SLC45A4: variants seen among roughly 807,000 people sequenced by gnomAD.
The protein encoded by SLC45A4 is solute carrier family 45 member 4, also known as polyamine-transporter SLC45A4.
A neutral mutation model predicts 63.7 loss-of-function variants in SLC45A4; 32 were observed. That is an observed-to-expected ratio of 0.50 (90% CI 0.38 to 0.67). SLC45A4 has a LOEUF of 0.67. Ranked by LOEUF, SLC45A4 falls within the 30% of genes least tolerant of loss-of-function variation. SLC45A4 has a pLI of 0.00. For missense variants in SLC45A4, 1,027 were observed against 1,157.7 expected, an observed-to-expected ratio of 0.89 and a Z score of 1.64; for synonymous variants, 535 against 510.0, an observed-to-expected ratio of 1.05 and a Z score of -0.66.
At chr8:141,246,838 G>C (rs1828229555) in intron 2 of SLC45A4, among the ~76,000 whole-genome samples, 1 of 152,240 alleles carries the variant, frequency 6.6e-6, no homozygotes, top group Non-Finnish European at 1.5e-5. Context: ...GAAGTAGCCA[G>C]TTGTGGTGGT....
chr8:141,262,118 A>G (rs1214721816), intron 1 of SLC45A4, among the ~76,000 whole-genome samples: 2 of 151,866 alleles, frequency 1.3e-5, no homozygotes, highest in Non-Finnish European at 2.9e-5. Context: ...AAATTGGGAA[A>G]GGATTCCCTA....
At chr8:141,217,931 C>T (rs1453293074) in intron 5 of SLC45A4, 80 bp downstream of exon 5, 2 of 1,473,654 alleles carry the variant, frequency 1.4e-6, no homozygotes, top group Non-Finnish European at 1.8e-6. Context: ...GGAAGAGGCC[C>T]CCCGGCCCAG....
Position 141,215,763 on chromosome 8 carries a change from T to C in SLC45A4, c.1937A>G (p.Lys646Arg). Residue 646 changes from lysine (K) to arginine (R), a missense_variant, in exon 7 of 9, where the codon AAG becomes AGG. By Grantham distance (26) the Lys-to-Arg change is conservative (BLOSUM62 2). Coordinates refer to ENST00000517878, the MANE Select transcript of SLC45A4 (RefSeq NM_001286646.2). The surrounding 1 kb of genome is among the most constrained non-coding windows in gnomAD (Gnocchi z 4.3). Reference protein sequence around the residue: ...YALLGQYHDIKQYIHHSPGNS... With the variant: ...YALLGQYHDIRQYIHHSPGNS... ...TCAGGGCTACGGTGGACGCACCTGC[T>C]TGATGTCATGGTACTGGCCCAGCAG... 1.2e-6 allele frequency: 2 copies of C among 1,613,178 alleles called. No homozygotes were observed. The highest frequency in any genetic ancestry group is 2.2e-5 in the South Asian group (2 of 91,074).
intron 1 of SLC45A4, among the ~76,000 whole-genome samples, chr8:141,261,326 C>T (rs556832606): frequency 0.039 from 5,865 of 152,090 alleles, 200 homozygotes; most frequent in African/African-American, 0.089. Context: ...ACAGGGATGC[C>T]CTCTCTCACC....
chr8:141,242,731 A>C (rs1397367740), intron 2 of SLC45A4, among the ~76,000 whole-genome samples: 1 of 152,202 alleles, frequency 6.6e-6, no homozygotes, highest in Non-Finnish European at 1.5e-5. Flanking sequence ...TGCTGGGAAG[A>C]GAGCCGGCAG....
At chr8:141,261,460 A>G (rs1332934657) in intron 1 of SLC45A4, among the ~76,000 whole-genome samples, 4 of 152,106 alleles carry the variant, frequency 2.6e-5, no homozygotes, top group Admixed American at 6.6e-5. Context: ...ACATGATTGT[A>G]TATCTAGAAA....
chr8:141,291,392 A>G (rs1437375089), intron 1 of SLC45A4, among the ~76,000 whole-genome samples: 1 of 152,132 alleles, frequency 6.6e-6, no homozygotes, highest in African/African-American at 2.4e-5. Flanking sequence ...ATCTTCTCAT[A>G]ATTTTTTTTT....
chr8:141,235,114 T>G (rs2154614392), intron 2 of SLC45A4, among the ~76,000 whole-genome samples: 1 of 152,288 alleles, frequency 6.6e-6, no homozygotes, highest in East Asian at 1.9e-4. Flanking sequence ...ACAGGAGCCA[T>G]GGCTTGGCTT....
intron 2 of SLC45A4, among the ~76,000 whole-genome samples, chr8:141,245,716 G>A (rs988362618): frequency 2.6e-5 from 4 of 152,186 alleles, no homozygotes; most frequent in Non-Finnish European, 5.9e-5. Flanking sequence ...ACCAGCCTTA[G>A]GCCCAGGAGT....
intron 7 of SLC45A4, among the ~76,000 whole-genome samples, chr8:141,214,292 G>A (rs528206057): frequency 7.9e-5 from 12 of 152,214 alleles, no homozygotes; most frequent in African/African-American, 2.9e-4. Context: ...TTTAGTATTG[G>A]AGGTTCCAGC....
At position 141,221,482 on chromosome 8, in the gene SLC45A4, A is replaced by G. The variant is rs74969084; in HGVS notation, c.430+95T>C. On this transcript the variant is annotated intron_variant, in intron 3 of 8. Coordinates refer to ENST00000517878, the MANE Select transcript of SLC45A4 (RefSeq NM_001286646.2). ...CCAGGCCCACAGAGGGTCAGCCTGA[A>G]TATTCAACACCATTCAGCTTTTAAT... 1,720 of 1,445,680 alleles carry G rather than the reference A, an allele frequency of 1.2e-3. 18 individuals are homozygous for G. In the African/African-American group the frequency reaches 0.023, roughly 19 times the overall value. The allele number at this position is 1,445,680 out of a possible 1,614,324, so 89.6% of individuals were successfully genotyped here. A position where few individuals can be genotyped will look rare whatever the true frequency, so the allele number is the denominator to read the frequency against.
At position 141,229,989 on chromosome 8, in the gene SLC45A4, C is replaced by T. The variant is rs1827256596; in HGVS notation, c.242-8224G>A. On this transcript the variant is annotated intron_variant, in intron 2 of 8. Transcript: ENST00000517878. The surrounding 1 kb of genome is among the most constrained non-coding windows in gnomAD (Gnocchi z 5.0). ...TCCCGAGGCCGTGGTGCTCTGATGA[C>T]ATCCATGGGCAGTGAGTTCAAAATG... 3 of 450,778 alleles carry T rather than the reference C, an allele frequency of 6.7e-6. No homozygotes were observed. Among genetic ancestry groups the T allele is most frequent in the Non-Finnish European group, 1.3e-5 (3 of 223,748 alleles). 27.9% of individuals were successfully genotyped at this position (450,778 alleles called of 1,614,324 possible). A position where few individuals can be genotyped will look rare whatever the true frequency, so the allele number is the denominator to read the frequency against.
intron 1 of SLC45A4, among the ~76,000 whole-genome samples, chr8:141,284,428 C>T (rs1385382004): frequency 6.6e-6 from 1 of 152,182 alleles, no homozygotes; most frequent in Non-Finnish European, 1.5e-5. Flanking sequence ...CACGGCCATC[C>T]GGGGAAGGAA....
chr8:141,247,926 G>C (rs1200661162), intron 2 of SLC45A4, among the ~76,000 whole-genome samples: 6 of 152,192 alleles, frequency 3.9e-5, no homozygotes, highest in African/African-American at 1.4e-4. Flanking sequence ...AGTGATGCTG[G>C]AACAACTCAA....
At chr8:141,273,302 G>A (rs1329086698) in intron 1 of SLC45A4, among the ~76,000 whole-genome samples, 1 of 152,216 alleles carries the variant, frequency 6.6e-6, no homozygotes, top group Non-Finnish European at 1.5e-5. Context: ...CTGACCTGGT[G>A]TGTGTGCCAG....
At chr8:141,287,423 A>G (rs1476445732) in intron 1 of SLC45A4, among the ~76,000 whole-genome samples, 2 of 152,174 alleles carry the variant, frequency 1.3e-5, no homozygotes, top group Non-Finnish European at 2.9e-5. Flanking sequence ...CAGGGCACGG[A>G]GCGCAGACTG....
chr8:141,229,224 C>T lies in SLC45A4; in HGVS notation c.242-7459G>A, dbSNP rs1589786786. 4.6e-5 allele frequency among the ~76,000 whole-genome samples: 7 copies of T among 152,212 alleles called. No homozygotes were observed. On this transcript the variant is annotated intron_variant, in intron 2 of 8. Coordinates refer to ENST00000517878, the MANE Select transcript of SLC45A4 (RefSeq NM_001286646.2). The surrounding 1 kb of genome is among the most constrained non-coding windows in gnomAD (Gnocchi z 5.0). ...CCTCCCTCATCCTCCGTAACCCACC[C>T]GCCACCTGCAGTCAGAGTGACCACC...
chr8:141,285,946 C>T (rs1324142252), intron 1 of SLC45A4, among the ~76,000 whole-genome samples: 2 of 152,212 alleles, frequency 1.3e-5, no homozygotes, highest in African/African-American at 4.8e-5. Flanking sequence ...TGACACTGTT[C>T]CTCAGGAGAA....
chr8:141,239,744 G>C (rs1827812157), intron 2 of SLC45A4, among the ~76,000 whole-genome samples: 1 of 152,202 alleles, frequency 6.6e-6, no homozygotes, highest in Non-Finnish European at 1.5e-5. Flanking sequence ...CGGTTTTAGA[G>C]ACAACACGCT....
Sources: gnomAD v4.1 joint callset for allele counts (sites outside exome capture counted in the v4.1 genomes callset) on GRCh38, gnomAD v4.1.1 for gene constraint, Gnocchi (gnomAD v3.1) non-coding constraint, MANE v1.5 for transcripts, NCBI Gene and HGNC (gene_info 2026-07-23, HGNC 2026-07-21) for gene names.